The following QTMAN variants were observed in gnomAD, a reference collection of about 807,000 sequenced individuals.
QTMAN encodes the protein tRNA-queuosine alpha-mannosyltransferase.
the QTMAN span, among the ~76,000 whole-genome samples, chr2:144,325,318 C>T: frequency 6.6e-6 from 1 of 152,046 alleles, no homozygotes; most frequent in African/African-American, 2.4e-5. Flanking sequence ...CTGTGGTGTA[C>T]CACCTAAAAC....
the QTMAN span, among the ~76,000 whole-genome samples, chr2:144,060,117 T>A: frequency 1.3e-5 from 2 of 151,982 alleles, no homozygotes; most frequent in African/African-American, 2.4e-5. Context: ...AAGAATCCCA[T>A]CAAACTTTTG....
At chr2:144,039,671 C>A in the QTMAN span, among the ~76,000 whole-genome samples, 1 of 152,134 alleles carries the variant, frequency 6.6e-6, no homozygotes, top group Admixed American at 6.6e-5. Flanking sequence ...TTGATATCAT[C>A]TCACATAGGC....
chr2:144,078,919 G>C, the QTMAN span, among the ~76,000 whole-genome samples: 1 of 151,910 alleles, frequency 6.6e-6, no homozygotes, highest in Admixed American at 6.5e-5. Flanking sequence ...CTTTTTTCTC[G>C]ATATAAAGAT....
chr2:144,264,923 G>A, the QTMAN span, among the ~76,000 whole-genome samples: 1 of 152,200 alleles, frequency 6.6e-6, no homozygotes, highest in Non-Finnish European at 1.5e-5. Flanking sequence ...CAGAAATGCT[G>A]GGTAAACTTG....
At chr2:144,254,836 G>T in the QTMAN span, among the ~76,000 whole-genome samples, 1 of 152,240 alleles carries the variant, frequency 6.6e-6, no homozygotes, top group Non-Finnish European at 1.5e-5. Flanking sequence ...GTGTGACCTG[G>T]ATGTGAGACA....
At chr2:144,114,586 G>A in the QTMAN span, among the ~76,000 whole-genome samples, 5 of 152,254 alleles carry the variant, frequency 3.3e-5, no homozygotes, top group Middle Eastern at 3.4e-3. Context: ...GAACAAGAGC[G>A]TGTTTTACAA....
chr2:144,023,267 G>A, the QTMAN span, among the ~76,000 whole-genome samples: 1 of 151,848 alleles, frequency 6.6e-6, no homozygotes, highest in Non-Finnish European at 1.5e-5. Flanking sequence ...GTGAGCCAAT[G>A]GAAAGAGGTT....
At chr2:143,998,866 G>A in the QTMAN span, among the ~76,000 whole-genome samples, 2 of 152,000 alleles carry the variant, frequency 1.3e-5, no homozygotes, top group Admixed American at 1.3e-4. Flanking sequence ...AACAAACCAA[G>A]AAACCATAGG....
the QTMAN span, among the ~76,000 whole-genome samples, chr2:144,031,483 C>T: frequency 6.6e-6 from 1 of 152,106 alleles, no homozygotes; most frequent in African/African-American, 2.4e-5. Flanking sequence ...AATTTGCCAA[C>T]ATCACCAAGA....
At chr2:143,938,898 G>A in the QTMAN span, 3 of 152,368 alleles carry the variant, frequency 2.0e-5, no homozygotes, top group South Asian at 6.2e-4. Context: ...TTGCCAGCCA[G>A]ATGACAGCCA....
chr2:144,037,674 T>C, the QTMAN span, among the ~76,000 whole-genome samples: 1 of 152,218 alleles, frequency 6.6e-6, no homozygotes, highest in Non-Finnish European at 1.5e-5. Flanking sequence ...TTTCAGATAA[T>C]TATCTCAAAA....
At chr2:144,099,579 C>T in the QTMAN span, among the ~76,000 whole-genome samples, 1 of 152,186 alleles carries the variant, frequency 6.6e-6, no homozygotes, top group African/African-American at 2.4e-5. Context: ...TGGCAGACTG[C>T]ATTTCAAGCC....
At chr2:144,041,598 A>G in the QTMAN span, among the ~76,000 whole-genome samples, 2 of 152,232 alleles carry the variant, frequency 1.3e-5, no homozygotes, top group African/African-American at 4.8e-5. Flanking sequence ...AGCAAATCTC[A>G]TTAAGTAGTT....
chr2:144,212,912 T>C, the QTMAN span, among the ~76,000 whole-genome samples: 12 of 152,202 alleles, frequency 7.9e-5, no homozygotes, highest in Non-Finnish European at 1.2e-4. Context: ...GTCAAAGTGA[T>C]AGCTGTGACA....
chr2:144,233,132 C>G, the QTMAN span, among the ~76,000 whole-genome samples: 1 of 152,064 alleles, frequency 6.6e-6, no homozygotes, highest in Non-Finnish European at 1.5e-5. Flanking sequence ...TTGGTCTCAA[C>G]AAGAGATACC....
the QTMAN span, among the ~76,000 whole-genome samples, chr2:144,120,524 G>C: frequency 6.6e-6 from 1 of 152,152 alleles, no homozygotes; most frequent in Non-Finnish European, 1.5e-5. Context: ...TTATATGATG[G>C]ACATCTGCTT....
At chr2:144,284,019 A>G in the QTMAN span, among the ~76,000 whole-genome samples, 2 of 152,052 alleles carry the variant, frequency 1.3e-5, no homozygotes, top group Non-Finnish European at 2.9e-5. Flanking sequence ...TAAATACTAA[A>G]TATTAGAAAG....
the QTMAN span, among the ~76,000 whole-genome samples, chr2:144,087,733 T>C: frequency 6.6e-6 from 1 of 152,032 alleles, no homozygotes; most frequent in African/African-American, 2.4e-5. Context: ...AGAAGATACA[T>C]TTAATAAAAT....
the QTMAN span, among the ~76,000 whole-genome samples, chr2:144,197,557 T>C: frequency 6.6e-6 from 1 of 152,134 alleles, no homozygotes; most frequent in African/African-American, 2.4e-5. Flanking sequence ...ACTAAAGTAG[T>C]TTAATTGTGA....
Sources: allele counts gnomAD v4.1 joint callset (sites outside exome capture counted in the v4.1 genomes callset), GRCh38; gene constraint gnomAD v4.1.1; transcripts MANE v1.5; gene names NCBI Gene and HGNC (gene_info 2026-07-23, HGNC 2026-07-21).